Variants in FOCAD observed in about 807,000 individuals in gnomAD.
FOCAD encodes the protein focadhesin.
FOCAD carries 198 observed loss-of-function variants against 225.6 expected under a neutral mutation model. The ratio of observed to expected loss-of-function variants is 0.88; its 90% confidence interval spans 0.78 to 0.99. The LOEUF (loss-of-function observed/expected upper bound fraction) is 0.99. Ranked by LOEUF, FOCAD falls within the 50% of genes least tolerant of loss-of-function variation. The probability of loss-of-function intolerance (pLI) is 0.00; values close to 1 mark genes in which losing one functional copy is unlikely to be tolerated. For synonymous variants in FOCAD, 897 were observed against 755.0 expected (o/e 1.19, Z -3.08); for missense variants, 2,713 against 2,123.6 (o/e 1.28, Z -5.46).
intron 1 of FOCAD, among the ~76,000 whole-genome samples, chr9:20,696,764 C>T (rs1489493519): frequency 6.6e-6 from 1 of 152,054 alleles, no homozygotes; most frequent in Non-Finnish European, 1.5e-5. Context: ...GAGATCATGC[C>T]ACTGCACTCC....
chr9:20,714,033 T>A (rs1180741638), intron 1 of FOCAD, among the ~76,000 whole-genome samples: 1 of 152,200 alleles, frequency 6.6e-6, no homozygotes, highest in Admixed American at 6.5e-5. Context: ...AATACCAGGA[T>A]AAATTACCCA....
At chr9:20,933,956 T>C (rs1012849300) in intron 28 of FOCAD, among the ~76,000 whole-genome samples, 4 of 152,118 alleles carry the variant, frequency 2.6e-5, no homozygotes, top group East Asian at 1.9e-4. Flanking sequence ...CTCTGATCAT[T>C]AGTGATGTTG....
At chr9:20,855,601 A>T (rs1587410417) in intron 15 of FOCAD, among the ~76,000 whole-genome samples, 1 of 151,814 alleles carries the variant, frequency 6.6e-6, no homozygotes, top group East Asian at 1.9e-4. Context: ...TCTGTGTTTG[A>T]AACATTTCAA....
intron 40 of FOCAD, among the ~76,000 whole-genome samples, chr9:20,987,378 T>A (rs1037835033): frequency 1.2e-4 from 18 of 151,912 alleles, no homozygotes; most frequent in African/African-American, 4.1e-4. Context: ...TGTGGTGGCG[T>A]AAGCATGTAG....
upstream of FOCAD, chr9:20,684,224 G>T (rs1360714392): frequency 6.6e-6 from 1 of 152,370 alleles, no homozygotes; most frequent in Non-Finnish European, 1.5e-5. Flanking sequence ...CCCCGCCCCC[G>T]GGCGTTCGAG....
chr9:20,845,725 A>C (rs1827037799), intron 15 of FOCAD, among the ~76,000 whole-genome samples: 1 of 151,944 alleles, frequency 6.6e-6, no homozygotes, highest in Non-Finnish European at 1.5e-5. Context: ...ATTATACGGG[A>C]GTGCTGCTTT....
rs149774098 is a variant in FOCAD at position 20,842,253 on chromosome 9, C to G, written c.1920+19138C>G. Among the ~76,000 whole-genome samples, 628 of 151,814 alleles carry G rather than the reference C, an allele frequency of 4.1e-3. 2 individuals are homozygous for G. Among genetic ancestry groups the G allele is most frequent in the African/African-American group, 0.014 (596 of 41,454 alleles). On this transcript the variant is annotated intron_variant, in intron 15 of 43. Transcript: ENST00000338382. ...GTTGGATGAAATGCAGTGTAAGTGT[C>G]TATTAGGTCTATTTGTTCTGTACTG...
chr9:20,948,460 A>G (rs1218862127), intron 31 of FOCAD, 67 bp downstream of exon 31: 2 of 1,542,220 alleles, frequency 1.3e-6, no homozygotes, highest in African/African-American at 2.8e-5. Flanking sequence ...TTATTGGATC[A>G]TTTATAGGAG....
At chr9:20,902,125 A>G (rs190119816) in intron 21 of FOCAD, among the ~76,000 whole-genome samples, 33 of 152,038 alleles carry the variant, frequency 2.2e-4, no homozygotes, top group Admixed American at 1.7e-3. Context: ...ACTTATGTGC[A>G]AGACACTGTT....
At chr9:20,741,402 G>T (rs767200262) in intron 5 of FOCAD, among the ~76,000 whole-genome samples, 1 of 152,100 alleles carries the variant, frequency 6.6e-6, no homozygotes, top group African/African-American at 2.4e-5. Context: ...CATATACCAT[G>T]ATCTTCCGTG....
At chr9:20,835,361 G>A (rs752686128) in intron 15 of FOCAD, among the ~76,000 whole-genome samples, 10 of 151,988 alleles carry the variant, frequency 6.6e-5, no homozygotes, top group Non-Finnish European at 1.3e-4. Context: ...ATGGAGATTT[G>A]GAGATATTCT....
At chr9:20,973,542 C>T (rs1456613455) in intron 35 of FOCAD, among the ~76,000 whole-genome samples, 2 of 150,716 alleles carry the variant, frequency 1.3e-5, no homozygotes, top group Non-Finnish European at 2.9e-5. Context: ...CTGTTCATGG[C>T]CTCTGCTTCT....
chr9:20,663,015 T>C (rs777685401), intron 2 of FOCAD, among the ~76,000 whole-genome samples: 3 of 152,208 alleles, frequency 2.0e-5, no homozygotes, highest in Non-Finnish European at 4.4e-5. Flanking sequence ...TTATAATGTA[T>C]CTTATTCTCA....
chr9:20,913,097 G>A, intron 23 of FOCAD, 143 bp downstream of exon 23: 1 of 563,098 alleles, frequency 1.8e-6, no homozygotes, highest in Admixed American at 3.1e-5. Flanking sequence ...GAGCTGATAG[G>A]TGTATTCCCT....
intron 21 of FOCAD, among the ~76,000 whole-genome samples, chr9:20,896,613 A>G (rs1208306276): frequency 6.6e-6 from 1 of 151,834 alleles, no homozygotes; most frequent in Non-Finnish European, 1.5e-5. Context: ...CAGGGAATGA[A>G]TTGGCCCATT....
Position 20,986,337 on chromosome 9 carries a change from G to A in FOCAD, c.4778G>A (p.Gly1593Glu), listed in dbSNP as rs750484485. Reference sequence around the variant, plus strand: ...GTCAAACTGTACTTAGTCTCTCAAGGACGATTCCCCTTGGTGAACCTGACC... The same window carrying A: ...GTCAAACTGTACTTAGTCTCTCAAGAACGATTCCCCTTGGTGAACCTGACC... Reference protein sequence around the residue: ...AFVKLYLVSQGRFPLVNLTDM... With the variant: ...AFVKLYLVSQERFPLVNLTDM... Residue 1593 changes from glycine (G) to glutamate (E), a missense_variant, in exon 40 of 44, where the codon GGA becomes GAA. Physicochemically the swap from Gly to Glu is moderately conservative, Grantham distance 98. Coordinates refer to ENST00000338382, the MANE Select transcript of FOCAD (RefSeq NM_001375567.1). The A allele has an allele frequency of 1.4e-6, 2 of 1,472,046 alleles. No homozygotes were observed. The highest frequency in any genetic ancestry group is 1.8e-6 in the Non-Finnish European group (2 of 1,102,670). The allele number at this position is 1,472,046 out of a possible 1,614,324, so 91.2% of individuals were successfully genotyped here.
chr9:20,819,896 A>C lies in FOCAD; in HGVS notation c.1556A>C (p.His519Pro). 6.6e-7 allele frequency: 1 copy of C among 1,503,936 alleles called. No individual in the cohort carries two copies. The highest frequency in any genetic ancestry group is 9.0e-7 in the Non-Finnish European group (1 of 1,112,658). 93.2% of individuals were successfully genotyped at this position (1,503,936 alleles called of 1,614,324 possible). ...ILYTLPKLGVHKVCIGQILRI... is the reference protein window; with the variant it reads ...ILYTLPKLGVPKVCIGQILRI... ...TATACTTTACCTAAGCTTGGTGTTC[A>C]CAAGGTTAGTATGTTAATTAATTTA... is the stretch of plus-strand genomic sequence containing the variant. The change falls in exon 12 of 44, where the codon CAC (histidine) becomes CCC (proline). Residue 519 changes from histidine to proline, a missense_variant. Physicochemically the swap from His to Pro is moderately conservative, Grantham distance 77 (BLOSUM62 -2). Coordinates refer to ENST00000338382, the MANE Select transcript of FOCAD (RefSeq NM_001375567.1).
At chr9:20,994,833 C>T (rs1841938632) in intron 43 of FOCAD, among the ~76,000 whole-genome samples, 1 of 152,026 alleles carries the variant, frequency 6.6e-6, no homozygotes, top group Admixed American at 6.6e-5. Flanking sequence ...ATCATTCGGG[C>T]CAAGGAAGCT....
chr9:20,708,218 G>C (rs77229803), intron 1 of FOCAD, among the ~76,000 whole-genome samples: 7,874 of 152,162 alleles, frequency 0.052, 220 homozygotes, highest in Middle Eastern at 0.12. Context: ...TAAGAAAAAA[G>C]ATAAAAATTG....
Sources: allele counts gnomAD v4.1 joint callset (sites outside exome capture counted in the v4.1 genomes callset), GRCh38; gene constraint gnomAD v4.1.1; transcripts MANE v1.5; gene names NCBI Gene and HGNC (gene_info 2026-07-23, HGNC 2026-07-21).